Variants in TOMM70 observed in about 807,000 individuals in gnomAD.
The protein encoded by TOMM70 is translocase of outer mitochondrial membrane 70.
A neutral mutation model predicts 73.6 loss-of-function variants in TOMM70; 13 were observed. That is an observed-to-expected ratio of 0.18 (90% CI 0.11 to 0.28). The LOEUF is 0.28. Among genes scored for constraint, TOMM70 ranks in the 10% least tolerant of loss-of-function variants. TOMM70 has a pLI of 1.00. For synonymous variants in TOMM70, 257 were observed against 271.2 expected (o/e 0.95, Z 0.51); for missense variants, 609 against 747.5 (o/e 0.81, Z 2.16).
At chr3:100,368,187 C>A in intron 10 of TOMM70, 21 bp from the exon 11 acceptor site, 1 of 1,608,158 alleles carries the variant, frequency 6.2e-7, no homozygotes, top group South Asian at 1.1e-5. Context: ...AAAAAAATGT[C>A]AGATGTGACC....
intron 9 of TOMM70, among the ~76,000 whole-genome samples, chr3:100,370,451 T>C (rs1344516164): frequency 1.3e-5 from 2 of 152,346 alleles, no homozygotes; most frequent in East Asian, 1.9e-4. Flanking sequence ...TTGTTTGTCA[T>C]AGTTAACAAT....
At chr3:100,373,857 T>G (rs774609941) in intron 7 of TOMM70, 2 of 403,148 alleles carry the variant, frequency 5.0e-6, no homozygotes, top group Non-Finnish European at 8.9e-6. Context: ...TAGAAAGGAC[T>G]ACAAGCCAAC....
At chr3:100,387,459 C>T (rs766870993) in intron 1 of TOMM70, among the ~76,000 whole-genome samples, 3 of 151,644 alleles carry the variant, frequency 2.0e-5, no homozygotes, top group East Asian at 1.9e-4. Flanking sequence ...CCTGCCCCCC[C>T]AAAAAAGCAT....
intron 1 of TOMM70, among the ~76,000 whole-genome samples, chr3:100,392,762 G>A (rs72941470): frequency 0.29 from 44,026 of 151,992 alleles, 10,725 homozygotes; most frequent in East Asian, 0.66. Context: ...AAGAACTAGA[G>A]TAGGTCTACC....
chr3:100,379,918 C>T (rs1186966626), intron 5 of TOMM70, among the ~76,000 whole-genome samples: 1 of 152,136 alleles, frequency 6.6e-6, no homozygotes. Flanking sequence ...CATGTCTGAC[C>T]TGACCCTGTC....
intron 5 of TOMM70, among the ~76,000 whole-genome samples, chr3:100,378,989 A>G (rs1401477765): frequency 6.6e-6 from 1 of 151,452 alleles, no homozygotes; most frequent in Non-Finnish European, 1.5e-5. Context: ...CTTGGGCGAC[A>G]GAGCGAGACT....
At chr3:100,369,852 T>C (rs924157341) in intron 9 of TOMM70, among the ~76,000 whole-genome samples, 1 of 152,196 alleles carries the variant, frequency 6.6e-6, no homozygotes, top group African/African-American at 2.4e-5. Flanking sequence ...TTAAGATGTA[T>C]GTGTTAAATG....
Position 100,401,002 on chromosome 3 carries a change from C to A in TOMM70, c.-53G>T. On this transcript the variant is annotated 5_prime_UTR_variant, in exon 1 of 12. Coordinates refer to ENST00000284320, the MANE Select transcript of TOMM70 (RefSeq NM_014820.5). ...TGTCTGTCGCGAGCGCCACAATCAC[C>A]AAACAGCGTGCGAAGGAAGACCGAG... is the stretch of plus-strand genomic sequence containing the variant. 2 of 1,500,464 alleles carry A rather than the reference C, an allele frequency of 1.3e-6. No homozygotes were observed. The highest frequency in any genetic ancestry group is 1.2e-5 in the South Asian group (1 of 82,754). 92.9% of individuals were successfully genotyped at this position (1,500,464 alleles called of 1,614,324 possible). A position where few individuals can be genotyped will look rare whatever the true frequency, so the allele number is the denominator to read the frequency against.
At chr3:100,395,418 C>T (rs1576219352) in intron 1 of TOMM70, among the ~76,000 whole-genome samples, 1 of 151,480 alleles carries the variant, frequency 6.6e-6, no homozygotes, top group East Asian at 1.9e-4. Context: ...ATTCACCAGG[C>T]ATGGTGGCGA....
chr3:100,397,145 T>TTTC (rs1706834378), intron 1 of TOMM70, among the ~76,000 whole-genome samples: 1 of 152,068 alleles, frequency 6.6e-6, no homozygotes, highest in African/African-American at 2.4e-5. Flanking sequence ...TTTCCATCAG[T>TTTC]GAAAGCAAAT....
At chr3:100,391,615 T>A (rs1030891846) in intron 1 of TOMM70, among the ~76,000 whole-genome samples, 3 of 152,214 alleles carry the variant, frequency 2.0e-5, no homozygotes, top group Non-Finnish European at 4.4e-5. Flanking sequence ...TGTTACTTAT[T>A]TTTTAAGAGA....
intron 1 of TOMM70, among the ~76,000 whole-genome samples, chr3:100,395,895 A>G (rs555413895): frequency 6.6e-6 from 1 of 152,272 alleles, no homozygotes; most frequent in Non-Finnish European, 1.5e-5. Context: ...TAAAATGGAA[A>G]AGTCCAGGGT....
Position 100,373,561 on chromosome 3 carries a change from G to A in TOMM70, c.1312C>T (p.Gln438Ter). 6.2e-7 allele frequency: 1 copy of A among 1,609,804 alleles called. No homozygotes were observed. Among genetic ancestry groups the A allele is most frequent in the Non-Finnish European group, 8.5e-7 (1 of 1,178,328 alleles). The change falls in exon 8 of 12, where the codon CAA becomes TAA. Residue 438 changes from glutamine to a stop codon, truncating the protein, a stop_gained. Coordinates refer to ENST00000284320, the MANE Select transcript of TOMM70 (RefSeq NM_014820.5). LOFTEE classifies it high-confidence loss of function. ...ACCAATGCAAAACATTTCTGTGCTTGTGCCAGAGCAGACTCAGGTCTTAAC... is the reference window on the plus strand; with the variant it reads ...ACCAATGCAAAACATTTCTGTGCTTATGCCAGAGCAGACTCAGGTCTTAAC... ...IRLRPESALA[Q>*]AQKCFALYRQ...
chr3:100,399,344 G>A (rs1706862914), intron 1 of TOMM70, among the ~76,000 whole-genome samples: 1 of 151,994 alleles, frequency 6.6e-6, no homozygotes, highest in African/African-American at 2.4e-5. Flanking sequence ...ATATTTAAGT[G>A]TATACACTTG....
intron 1 of TOMM70, among the ~76,000 whole-genome samples, chr3:100,394,862 A>T (rs1265642527): frequency 6.6e-6 from 1 of 152,212 alleles, no homozygotes; most frequent in Non-Finnish European, 1.5e-5. Context: ...GATAATAAGG[A>T]TTCAAACCTA....
chr3:100,377,950 G>A (rs965509805), intron 5 of TOMM70, 38 bp from the exon 6 acceptor site: 4 of 1,576,266 alleles, frequency 2.5e-6, no homozygotes, highest in African/African-American at 2.7e-5. Context: ...TATTTACTAA[G>A]AAAAAATTAA....
chr3:100,386,835 A>G lies in TOMM70; in HGVS notation c.468T>C (p.Tyr156=). The G allele has an allele frequency of 6.2e-7, 1 of 1,614,168 alleles. No homozygotes were observed. Among genetic ancestry groups the G allele is most frequent in the Middle Eastern group, 1.6e-4 (1 of 6,062 alleles). ...TEKNVDLSTF[Y]QNRAAAFEQL... ...GTTCAAAGGCAGCAGCTCTGTTTTG[A>G]TAAAATGTAGAAAGGTCAACATTCT... is the stretch of plus-strand genomic sequence containing the variant. Residue 156 remains tyrosine, a synonymous_variant, in exon 2 of 12, where the codon TAT becomes TAC. Coordinates refer to ENST00000284320, the MANE Select transcript of TOMM70 (RefSeq NM_014820.5).
chr3:100,390,069 A>G (rs948425078), intron 1 of TOMM70, among the ~76,000 whole-genome samples: 15 of 152,152 alleles, frequency 9.9e-5, no homozygotes, highest in African/African-American at 3.6e-4. Context: ...AACAAACTCA[A>G]GTATCATTGT....
At position 100,372,611 on chromosome 3, in the gene TOMM70, C is replaced by T. The variant is rs770985289; in HGVS notation, c.1447G>A (p.Ala483Thr). 8.7e-6 allele frequency: 14 copies of T among 1,608,318 alleles called. No homozygotes were observed. Among genetic ancestry groups the T allele is most frequent in the East Asian group, 4.5e-5 (2 of 44,828 alleles). ...PRCAEGYALY[A>T]QALTDQQQFG... ...AAACCTGAAAAAACATTTACCTGGG[C>T]GTATAGTGCATAGCCTTCGGCACAC... is the stretch of plus-strand genomic sequence containing the variant. The change falls in exon 9 of 12, where the codon GCC becomes ACC. Residue 483 changes from alanine to threonine, a missense_variant. By Grantham distance (58) the Ala-to-Thr change is moderately conservative. This residue lies in a region of TOMM70 where 432 missense variants were observed against 584.1 expected (regional missense o/e 0.74). Coordinates refer to ENST00000284320, the MANE Select transcript of TOMM70 (RefSeq NM_014820.5).
Sources: gnomAD v4.1 joint callset for allele counts (sites outside exome capture counted in the v4.1 genomes callset) on GRCh38, gnomAD v4.1.1 for gene constraint, gnomAD v4.1.1 regional missense constraint, MANE v1.5 for transcripts, NCBI Gene and HGNC (gene_info 2026-07-23, HGNC 2026-07-21) for gene names.